The following CDKAL1 variants were observed in gnomAD, a reference collection of about 807,000 sequenced individuals.
CDKAL1 encodes the protein CDKAL1 threonylcarbamoyladenosine tRNA methylthiotransferase.
A neutral mutation model predicts 68.2 loss-of-function variants in CDKAL1; 32 were observed. The observed-to-expected ratio is 0.47, with a 90% CI of 0.35 to 0.63. The LOEUF is 0.63. Among genes scored for constraint, CDKAL1 ranks in the 30% least tolerant of loss-of-function variants. CDKAL1 has a pLI of 0.00. For missense variants in CDKAL1, 606 were observed against 696.7 expected (o/e 0.87, Z 1.47); for synonymous variants, 234 against 244.3 (o/e 0.96, Z 0.39).
At chr6:20,711,036 G>A (rs1211567502) in intron 5 of CDKAL1, among the ~76,000 whole-genome samples, 1 of 151,948 alleles carries the variant, frequency 6.6e-6, no homozygotes, top group African/African-American at 2.4e-5. Context: ...TGCTTTCCTG[G>A]GAATTGAGCG....
intron 9 of CDKAL1, among the ~76,000 whole-genome samples, chr6:20,954,193 T>C (rs1304084583): frequency 6.6e-6 from 1 of 152,210 alleles, no homozygotes; most frequent in Non-Finnish European, 1.5e-5. Context: ...TGTGTTTTTT[T>C]CTACCTCATG....
At chr6:20,698,952 C>T (rs1771223961) in intron 5 of CDKAL1, among the ~76,000 whole-genome samples, 1 of 152,106 alleles carries the variant, frequency 6.6e-6, no homozygotes, top group Admixed American at 6.5e-5. Context: ...ATGAAAAGGT[C>T]AGTGGTTCAT....
chr6:20,955,470 G>A lies in CDKAL1; in HGVS notation c.794G>A (p.Arg265Lys). 6.2e-7 allele frequency: 1 copy of A among 1,614,176 alleles called. No individual in the cohort carries two copies. Among genetic ancestry groups the A allele is most frequent in the South Asian group, 1.1e-5 (1 of 91,082 alleles). The change falls in exon 10 of 16, where the codon AGA becomes AAA. Residue 265 changes from arginine (R) to lysine (K), a missense_variant. Physicochemically the swap from Arg to Lys is conservative, Grantham distance 26 (BLOSUM62 2). Transcript: ENST00000274695. ...LTSEDTGAYG[R>K]DIGTNLPTLL... is the part of the protein sequence containing the mutation. The stretch of plus-strand genomic sequence containing the variant: ...AGTGAAGACACGGGGGCTTATGGCA[G>A]AGATATTGGCACCAATCTCCCCACA...
In CDKAL1 at chr6:20,666,112, T is replaced by C. The variant is rs369071130; in HGVS notation, c.371+16735T>C. Among the ~76,000 whole-genome samples, 12 of 152,194 alleles carry C rather than the reference T, an allele frequency of 7.9e-5. No homozygotes were observed. In the East Asian group the frequency reaches 1.4e-3, roughly 17 times the overall value. On this transcript the variant is annotated intron_variant, in intron 5 of 15. Coordinates refer to ENST00000274695, the MANE Select transcript of CDKAL1 (RefSeq NM_017774.3). ...TGTTTATAAGTTTAAATAAATACTA[T>C]TAAAGAGCTCCTTACATTAGGCAAC... is the stretch of plus-strand genomic sequence containing the variant.
intron 8 of CDKAL1, among the ~76,000 whole-genome samples, chr6:20,796,507 G>A (rs911017357): frequency 6.6e-6 from 1 of 152,100 alleles, no homozygotes; most frequent in Non-Finnish European, 1.5e-5. Flanking sequence ...ATATGGAAAG[G>A]CAAGGGAAGT....
At chr6:20,613,245 C>CTTTCT (rs1766716888) in intron 4 of CDKAL1, among the ~76,000 whole-genome samples, 4 of 67,384 alleles carry the variant, frequency 5.9e-5, no homozygotes, top group African/African-American at 1.8e-4. Context: ...CACAAAATTT[C>CTTTCT]TTTCTTTTTT....
intron 9 of CDKAL1, among the ~76,000 whole-genome samples, chr6:20,938,690 G>A (rs4144650): frequency 0.063 from 9,643 of 152,056 alleles, 477 homozygotes; most frequent in East Asian, 0.26. Flanking sequence ...CTCCATTTGT[G>A]TGGATATATA....
chr6:21,051,675 T>C (rs975707681), intron 11 of CDKAL1, among the ~76,000 whole-genome samples: 3 of 152,230 alleles, frequency 2.0e-5, no homozygotes, highest in African/African-American at 7.2e-5. Flanking sequence ...TGCCTGGCAC[T>C]TTTATTAGTA....
chr6:20,976,879 A>G (rs1287450010), intron 10 of CDKAL1, among the ~76,000 whole-genome samples: 1 of 152,218 alleles, frequency 6.6e-6, no homozygotes, highest in Non-Finnish European at 1.5e-5. Flanking sequence ...TTTTATAAAT[A>G]TATCACAGTT....
At position 20,955,561 on chromosome 6, in the gene CDKAL1, G is replaced by C. The variant is rs140861870; in HGVS notation, c.885G>C (p.Pro295=). ...GAMLRLGMTN[P]PYILEHLEEM... The stretch of plus-strand genomic sequence containing the variant: ...TGCTGAGGCTTGGCATGACAAATCC[G>C]CCCTATATTTTAGAGCATCTGGAGG... Residue 295 remains proline (P), a synonymous_variant, in exon 10 of 16, where the codon CCG becomes CCC. Coordinates refer to ENST00000274695, the MANE Select transcript of CDKAL1 (RefSeq NM_017774.3). 3.2e-5 allele frequency: 51 copies of C among 1,613,874 alleles called. No individual in the cohort carries two copies. The African/African-American group carries it at 6.0e-4, about 19-fold the overall frequency.
At chr6:20,929,307 C>T (rs575553686) in intron 9 of CDKAL1, among the ~76,000 whole-genome samples, 1 of 152,240 alleles carries the variant, frequency 6.6e-6, no homozygotes, top group East Asian at 1.9e-4. Flanking sequence ...GGGGAAGGGA[C>T]ACATATTCTT....
chr6:20,945,653 T>C (rs978701468), intron 9 of CDKAL1, among the ~76,000 whole-genome samples: 16 of 152,172 alleles, frequency 1.1e-4, no homozygotes, highest in Non-Finnish European at 2.4e-4. Flanking sequence ...ACTTAAATAA[T>C]GCTAAGTGAG....
intron 13 of CDKAL1, among the ~76,000 whole-genome samples, chr6:21,148,379 A>G (rs2151045155): frequency 6.6e-6 from 1 of 152,328 alleles, no homozygotes; most frequent in East Asian, 1.9e-4. Flanking sequence ...AAAAAATCCA[A>G]CCTAGTAGAA....
In CDKAL1 at chr6:20,574,862, G is replaced by C. The variant is rs1004256087; in HGVS notation, c.286+26157G>C. 3.7e-4 allele frequency among the ~76,000 whole-genome samples: 57 copies of C among 152,124 alleles called. 1 individual carries two copies. Among genetic ancestry groups the C allele is most frequent in the Non-Finnish European group, 5.6e-4 (38 of 68,002 alleles). On this transcript the variant is annotated intron_variant, in intron 4 of 15. Coordinates refer to ENST00000274695, the MANE Select transcript of CDKAL1 (RefSeq NM_017774.3). Reference sequence around the variant, plus strand: ...TTTGGTGGTGTGTTATGTTCAAATGGTAGGTTATTTTGAAATAGGATAGAC... The same window carrying C: ...TTTGGTGGTGTGTTATGTTCAAATGCTAGGTTATTTTGAAATAGGATAGAC...
At chr6:20,740,297 C>T (rs930219625) in intron 6 of CDKAL1, among the ~76,000 whole-genome samples, 1 of 152,196 alleles carries the variant, frequency 6.6e-6, no homozygotes, top group East Asian at 1.9e-4. Flanking sequence ...AAAATCTTCC[C>T]GTTGTATTTC....
intron 13 of CDKAL1, among the ~76,000 whole-genome samples, chr6:21,117,291 T>TG: frequency 2.6e-5 from 1 of 38,092 alleles, no homozygotes; most frequent in East Asian, 1.8e-3. Context: ...ATAAATTGTT[T>TG]TTTTTTTTTT....
At chr6:20,782,607 C>T (rs914692618) in intron 8 of CDKAL1, among the ~76,000 whole-genome samples, 2 of 152,040 alleles carry the variant, frequency 1.3e-5, no homozygotes, top group African/African-American at 4.8e-5. Context: ...CCTTGTTTTC[C>T]TCTGTAACTT....
chr6:21,140,766 G>A (rs1775859585), intron 13 of CDKAL1, among the ~76,000 whole-genome samples: 1 of 152,194 alleles, frequency 6.6e-6, no homozygotes. Context: ...AACTTGTCCT[G>A]CTTGCTATGT....
intron 8 of CDKAL1, among the ~76,000 whole-genome samples, chr6:20,829,700 C>T (rs1418436388): frequency 6.6e-6 from 1 of 152,126 alleles, no homozygotes; most frequent in African/African-American, 2.4e-5. Flanking sequence ...TTAGGTCCTT[C>T]TGTACTGCAA....
Sources: gnomAD v4.1 joint callset for allele counts (sites outside exome capture counted in the v4.1 genomes callset) on GRCh38, gnomAD v4.1.1 for gene constraint, MANE v1.5 for transcripts, NCBI Gene and HGNC (gene_info 2026-07-23, HGNC 2026-07-21) for gene names.